MDGA2: variants seen among roughly 807,000 people sequenced by gnomAD.
MDGA2 encodes the protein MAM domain containing glycosylphosphatidylinositol anchor 2, also known as MAM domain-containing glycosylphosphatidylinositol anchor protein 2.
MDGA2 carries 40 observed loss-of-function variants against 117.8 expected under a neutral mutation model. The ratio of observed to expected loss-of-function variants is 0.34; its 90% confidence interval spans 0.26 to 0.44. The LOEUF (loss-of-function observed/expected upper bound fraction) is 0.44. MDGA2 is among the 20% of genes least tolerant of loss of function. The pLI is 1.00. For missense variants in MDGA2, 1,123 were observed against 1,250.6 expected (o/e 0.90, Z 1.54); for synonymous variants, 452 against 439.0 (o/e 1.03, Z -0.37).
intron 10 of MDGA2, among the ~76,000 whole-genome samples, chr14:46,890,598 T>C (rs1055223484): frequency 6.6e-6 from 1 of 152,080 alleles, no homozygotes; most frequent in African/African-American, 2.4e-5. Flanking sequence ...TCTCAGTCTT[T>C]CATGCAGTTT....
At chr14:47,449,349 AG>A (rs1171896891) in intron 1 of MDGA2, among the ~76,000 whole-genome samples, 2 of 152,164 alleles carry the variant, frequency 1.3e-5, no homozygotes, top group Non-Finnish European at 2.9e-5. Flanking sequence ...CTACAGAAGG[AG>A]CAAAGTAGAC....
intron 1 of MDGA2, among the ~76,000 whole-genome samples, chr14:47,474,942 A>G (rs562459987): frequency 3.2e-4 from 49 of 152,318 alleles, no homozygotes; most frequent in African/African-American, 9.9e-4. Context: ...CATGACGAAA[A>G]TGCCAAAAGC....
intron 1 of MDGA2, among the ~76,000 whole-genome samples, chr14:47,513,987 T>C (rs1744018443): frequency 6.6e-6 from 1 of 152,110 alleles, no homozygotes; most frequent in Admixed American, 6.6e-5. Flanking sequence ...AATAGGCTAG[T>C]AGGCTAAAAC....
intron 1 of MDGA2, among the ~76,000 whole-genome samples, chr14:47,350,279 A>G (rs1276674743): frequency 1.3e-5 from 2 of 152,208 alleles, no homozygotes; most frequent in South Asian, 2.1e-4. Flanking sequence ...TGGAAAAGTA[A>G]GAGTTCTATA....
intron 8 of MDGA2, among the ~76,000 whole-genome samples, chr14:47,009,594 T>C (rs748822047): frequency 6.6e-6 from 1 of 152,094 alleles, no homozygotes; most frequent in Non-Finnish European, 1.5e-5. Context: ...GATGTGAGAA[T>C]TACTTTTTTA....
rs572381079 is a variant in MDGA2, at chr14:47,274,363, T to C, written c.420+27048A>G. ...TTTTTTTTATGACTACTTTCTTTAT[T>C]AGGATAATGTTTCCAAGGTTCTTCC... On this transcript the variant is annotated intron_variant, in intron 2 of 16. Transcript: ENST00000399232. Among the ~76,000 whole-genome samples, 16 of 152,220 alleles carry C rather than the reference T, an allele frequency of 1.1e-4. No individual in the cohort carries two copies. The East Asian group carries it at 2.3e-3, about 22-fold the overall frequency.
intron 2 of MDGA2, among the ~76,000 whole-genome samples, chr14:47,237,642 A>G (rs1027151572): frequency 6.6e-6 from 1 of 152,278 alleles, no homozygotes; most frequent in Middle Eastern, 3.4e-3. Flanking sequence ...GTCAAAAAGT[A>G]GCAAATTAAA....
intron 1 of MDGA2, among the ~76,000 whole-genome samples, chr14:47,645,855 G>A (rs1256724768): frequency 1.3e-5 from 2 of 151,598 alleles, no homozygotes; most frequent in Non-Finnish European, 2.9e-5. Flanking sequence ...GGTGGATCAC[G>A]AGGTCAGAAG....
rs527282038 is a variant in MDGA2 at position 47,047,066 on chromosome 14, A to C, written c.1526-11762T>G. ...GCCTAGGACTAGGGGCAAGACTGAT[A>C]AATTTGGCTATTCATTATCTTCAAG... On this transcript the variant is annotated intron_variant, in intron 7 of 16. Coordinates refer to ENST00000399232, the MANE Select transcript of MDGA2 (RefSeq NM_001113498.3). Among the ~76,000 whole-genome samples the C allele has an allele frequency of 2.8e-4, 42 of 152,302 alleles. No homozygotes were observed. The South Asian group carries it at 3.9e-3, about 14-fold the overall frequency.
chr14:47,482,915 A>G (rs998226657), intron 1 of MDGA2, among the ~76,000 whole-genome samples: 5 of 151,634 alleles, frequency 3.3e-5, no homozygotes, highest in African/African-American at 1.2e-4. Flanking sequence ...AAAAAAAAAA[A>G]AGAGAAAAGG....
intron 1 of MDGA2, among the ~76,000 whole-genome samples, chr14:47,656,368 T>C (rs971752474): frequency 3.9e-5 from 6 of 152,136 alleles, no homozygotes. Context: ...CAAGACAGGT[T>C]CACAGATCAG....
chr14:47,228,155 T>C (rs937009464), intron 2 of MDGA2, among the ~76,000 whole-genome samples: 12 of 152,144 alleles, frequency 7.9e-5, no homozygotes, highest in Admixed American at 7.9e-4. Flanking sequence ...ATACTAGTAT[T>C]TATCTTAGTT....
At chr14:47,048,856 T>C (rs1889354614) in intron 7 of MDGA2, among the ~76,000 whole-genome samples, 1 of 152,078 alleles carries the variant, frequency 6.6e-6, no homozygotes, top group Non-Finnish European at 1.5e-5. Context: ...TGAAGCATGA[T>C]TGCATTCTAC....
intron 1 of MDGA2, among the ~76,000 whole-genome samples, chr14:47,654,284 A>G (rs1897698625): frequency 6.6e-6 from 1 of 152,144 alleles, no homozygotes; most frequent in Admixed American, 6.6e-5. Context: ...GATGCAGTCA[A>G]TAATCTCGAT....
At chr14:47,245,127 A>G (rs1016198123) in intron 2 of MDGA2, among the ~76,000 whole-genome samples, 3 of 151,630 alleles carry the variant, frequency 2.0e-5, no homozygotes, top group African/African-American at 7.3e-5. Flanking sequence ...GGCTTAGGCA[A>G]TCCTCCCAAC....
intron 1 of MDGA2, among the ~76,000 whole-genome samples, chr14:47,386,670 C>A (rs1891766630): frequency 6.6e-6 from 1 of 152,140 alleles, no homozygotes; most frequent in Non-Finnish European, 1.5e-5. Flanking sequence ...TTGAAGCTAG[C>A]CTCTGGCAAT....
At chr14:46,883,768 G>A (rs965059071) in intron 10 of MDGA2, among the ~76,000 whole-genome samples, 1 of 151,874 alleles carries the variant, frequency 6.6e-6, no homozygotes, top group Non-Finnish European at 1.5e-5. Flanking sequence ...CCACAGCTTT[G>A]TTTGCTATTG....
At chr14:47,059,391 C>T (rs1191687975) in intron 7 of MDGA2, 2 of 1,079,534 alleles carry the variant, frequency 1.9e-6, no homozygotes, top group South Asian at 1.4e-5. Flanking sequence ...CTTGGGTAGC[C>T]AGGCAAATTA....
chr14:47,336,662 A>T (rs1318213863), intron 1 of MDGA2, among the ~76,000 whole-genome samples: 1 of 151,986 alleles, frequency 6.6e-6, no homozygotes, highest in African/African-American at 2.4e-5. Flanking sequence ...GAGCTTTTAC[A>T]TTAATAATGC....
Sources: gnomAD v4.1 joint callset for allele counts (sites outside exome capture counted in the v4.1 genomes callset) on GRCh38, gnomAD v4.1.1 for gene constraint, MANE v1.5 for transcripts, NCBI Gene and HGNC (gene_info 2026-07-23, HGNC 2026-07-21) for gene names.